The following CACNA2D1 variants were observed in gnomAD, a reference collection of about 807,000 sequenced individuals.
CACNA2D1 encodes the protein calcium voltage-gated channel auxiliary subunit alpha2delta 1.
Under a neutral mutation model 171.5 loss-of-function variants are expected in CACNA2D1, and 53 were observed. The observed-to-expected ratio is 0.31, with a 90% CI of 0.25 to 0.39. CACNA2D1 has a LOEUF of 0.39. CACNA2D1 is among the 10% of genes least tolerant of loss of function. The probability of loss-of-function intolerance (pLI) is 1.00; values close to 1 mark genes in which losing one functional copy is unlikely to be tolerated. For synonymous variants in CACNA2D1, 442 were observed against 443.1 expected (o/e 1.00, Z 0.03); for missense variants, 903 against 1,299.8 (o/e 0.69, Z 4.69).
At chr7:82,067,003 G>A (rs1161188900) in intron 7 of CACNA2D1, among the ~76,000 whole-genome samples, 1 of 152,022 alleles carries the variant, frequency 6.6e-6, no homozygotes, top group African/African-American at 2.4e-5. Flanking sequence ...TAACTAAAAG[G>A]TCAGCTATAA....
intron 12 of CACNA2D1, among the ~76,000 whole-genome samples, chr7:82,015,918 T>C (rs1351787495): frequency 6.6e-6 from 1 of 152,190 alleles, no homozygotes; most frequent in African/African-American, 2.4e-5. Flanking sequence ...TGTAAGGTTT[T>C]AGGTGAGCCA....
intron 3 of CACNA2D1, among the ~76,000 whole-genome samples, chr7:82,222,689 A>C (rs1801898450): frequency 6.6e-6 from 1 of 151,932 alleles, no homozygotes; most frequent in African/African-American, 2.4e-5. Flanking sequence ...GGGCTATTAT[A>C]ATTTATTATA....
intron 3 of CACNA2D1, among the ~76,000 whole-genome samples, chr7:82,240,945 C>T (rs905385718): frequency 6.0e-5 from 9 of 150,484 alleles, no homozygotes; most frequent in African/African-American, 2.2e-4. Flanking sequence ...CCAGCCTGGG[C>T]GACAGAGCAA....
chr7:82,209,895 A>T (rs1800391923), intron 3 of CACNA2D1, among the ~76,000 whole-genome samples: 1 of 152,164 alleles, frequency 6.6e-6, no homozygotes, highest in Admixed American at 6.6e-5. Flanking sequence ...AACACAACCT[A>T]AAACCATCCC....
At chr7:82,374,904 C>G (rs377271663) in intron 1 of CACNA2D1, among the ~76,000 whole-genome samples, 1 of 151,902 alleles carries the variant, frequency 6.6e-6, no homozygotes, top group Non-Finnish European at 1.5e-5. Context: ...AAACCTATCT[C>G]AATAAAATCA....
chr7:81,963,992 C>T (rs943414964), intron 34 of CACNA2D1, 64 bp downstream of exon 34: 18 of 1,336,540 alleles, frequency 1.3e-5, no homozygotes, highest in African/African-American at 5.8e-5. Context: ...ATATTTTCAT[C>T]AGATGCTTTT....
intron 11 of CACNA2D1, among the ~76,000 whole-genome samples, chr7:82,035,188 A>G (rs1803162070): frequency 6.6e-6 from 1 of 152,080 alleles, no homozygotes. Flanking sequence ...TACACTCTAT[A>G]TAAAGTTTTT....
At chr7:82,121,942 T>C (rs893447057) in intron 5 of CACNA2D1, among the ~76,000 whole-genome samples, 2 of 152,116 alleles carry the variant, frequency 1.3e-5, no homozygotes, top group Middle Eastern at 3.2e-3. Flanking sequence ...GAAAAGAAAG[T>C]TTTAAAATTA....
At chr7:82,366,852 T>C (rs1821780379) in intron 1 of CACNA2D1, among the ~76,000 whole-genome samples, 2 of 150,514 alleles carry the variant, frequency 1.3e-5, no homozygotes, top group South Asian at 4.3e-4. Flanking sequence ...ACCAATAATG[T>C]ATAAGTGGCC....
At chr7:82,163,893 T>C (rs1795191309) in intron 4 of CACNA2D1, among the ~76,000 whole-genome samples, 1 of 151,938 alleles carries the variant, frequency 6.6e-6, no homozygotes, top group South Asian at 2.1e-4. Context: ...ATAGTACTCA[T>C]AGAAGCAGAG....
chr7:82,185,444 G>A, intron 3 of CACNA2D1, among the ~76,000 whole-genome samples: 1 of 133,996 alleles, frequency 7.5e-6, no homozygotes, highest in African/African-American at 2.8e-5. Context: ...TATCAACAAT[G>A]GAACAAAGGG....
intron 3 of CACNA2D1, among the ~76,000 whole-genome samples, chr7:82,246,634 C>A (rs1804958663): frequency 6.6e-6 from 1 of 152,070 alleles, no homozygotes. Flanking sequence ...AAACTTTCTT[C>A]TTTGATCAGC....
Position 82,443,581 on chromosome 7 carries a change from T to C in CACNA2D1, c.-122A>G. 1.4e-6 allele frequency: 2 copies of C among 1,469,884 alleles called. No individual in the cohort carries two copies. Among genetic ancestry groups the C allele is most frequent in the South Asian group, 2.6e-5 (2 of 76,056 alleles). 91.1% of individuals were successfully genotyped at this position (1,469,884 alleles called of 1,614,324 possible). On this transcript the variant is annotated 5_prime_UTR_variant, in exon 1 of 39. Coordinates refer to ENST00000356860, the MANE Select transcript of CACNA2D1 (RefSeq NM_000722.4). ...GACCGCGGGCGTCTGGAGGGCTGGCTGCGCCCGGGGCCCGAGGCGCGGAGC... is the reference window on the plus strand; with the variant it reads ...GACCGCGGGCGTCTGGAGGGCTGGCCGCGCCCGGGGCCCGAGGCGCGGAGC...
chr7:82,332,553 A>AGAAG (rs1563381242), intron 3 of CACNA2D1, among the ~76,000 whole-genome samples: 5 of 132,982 alleles, frequency 3.8e-5, no homozygotes, highest in Non-Finnish European at 8.6e-5. Context: ...AAAGAAAGAA[A>AGAAG]GAAAGAAAGA....
At chr7:82,183,614 A>T (rs1563169465) in intron 3 of CACNA2D1, among the ~76,000 whole-genome samples, 1 of 152,184 alleles carries the variant, frequency 6.6e-6, no homozygotes, top group Non-Finnish European at 1.5e-5. Context: ...AGAATTTTTT[A>T]GGAATTTTTA....
At chr7:82,213,365 A>G (rs1340723224) in intron 3 of CACNA2D1, among the ~76,000 whole-genome samples, 1 of 152,212 alleles carries the variant, frequency 6.6e-6, no homozygotes, top group Non-Finnish European at 1.5e-5. Context: ...AGAGTACAGG[A>G]TCCCTTGGGT....
rs970755023 is a variant in CACNA2D1 at position 82,066,971 on chromosome 7, T to C, written c.659-447A>G. On this transcript the variant is annotated intron_variant, in intron 7 of 38. Transcript: ENST00000356860. ...CTTGGGTTTTTATGTAATAGCATAA[T>C]TTTACTCAGTCCATGGTAAAATAAC... 2.6e-5 allele frequency among the ~76,000 whole-genome samples: 4 copies of C among 152,236 alleles called. No homozygotes were observed. The South Asian group carries it at 6.2e-4, about 24-fold the overall frequency.
chr7:82,042,336 A>C (rs1804067789), intron 10 of CACNA2D1, among the ~76,000 whole-genome samples: 1 of 152,212 alleles, frequency 6.6e-6, no homozygotes, highest in African/African-American at 2.4e-5. Context: ...ATACTAATTT[A>C]AAACCACATA....
At chr7:82,112,895 A>G (rs1788622662) in intron 6 of CACNA2D1, among the ~76,000 whole-genome samples, 2 of 152,206 alleles carry the variant, frequency 1.3e-5, no homozygotes, top group Non-Finnish European at 2.9e-5. Flanking sequence ...ATATCAAGAT[A>G]AGTTACAAGG....
Sources: gnomAD v4.1 joint callset for allele counts (sites outside exome capture counted in the v4.1 genomes callset) on GRCh38, gnomAD v4.1.1 for gene constraint, MANE v1.5 for transcripts, NCBI Gene and HGNC (gene_info 2026-07-23, HGNC 2026-07-21) for gene names.